Variants in GIGYF2 observed in about 807,000 individuals in gnomAD.
The protein encoded by GIGYF2 is GRB10-interacting GYF protein 2.
Under a neutral mutation model 208.1 loss-of-function variants are expected in GIGYF2, and 25 were observed. The ratio of observed to expected loss-of-function variants is 0.12; its 90% CI spans 0.09 to 0.17. The LOEUF (loss-of-function observed/expected upper bound fraction) is 0.17, where lower values mean the gene tolerates loss of function less well. Ranked by LOEUF, GIGYF2 falls within the 10% of genes least tolerant of loss-of-function variation. The pLI is 1.00. For missense variants in GIGYF2, 1,302 were observed against 1,579.4 expected (o/e 0.82, Z 2.98); for synonymous variants, 534 against 543.8 (o/e 0.98, Z 0.25).
intron 20 of GIGYF2, among the ~76,000 whole-genome samples, chr2:232,817,643 G>C (rs925198213): frequency 6.6e-6 from 1 of 152,124 alleles, no homozygotes; most frequent in Admixed American, 6.5e-5. Context: ...TACAGTATTT[G>C]TCTTTTTGTG....
chr2:232,707,224 G>A (rs1312468668), intron 2 of GIGYF2, among the ~76,000 whole-genome samples: 1 of 152,078 alleles, frequency 6.6e-6, no homozygotes, highest in African/African-American at 2.4e-5. Context: ...ATCTTCTTCG[G>A]GAACAAAGCG....
intron 17 of GIGYF2, 24 bp downstream of exon 17, chr2:232,811,375 T>A (rs757297231): frequency 1.7e-6 from 2 of 1,210,286 alleles, no homozygotes; most frequent in African/African-American, 1.5e-5. Flanking sequence ...CCATTATGTG[T>A]CATATGGGGT....
intron 12 of GIGYF2, 134 bp downstream of exon 12, chr2:232,791,580 A>G (rs1299237859): frequency 3.8e-6 from 3 of 790,548 alleles, no homozygotes; most frequent in Admixed American, 2.0e-5. Flanking sequence ...TTATTTTACC[A>G]GTAAACCCAG....
At chr2:232,733,636 T>G (rs1039767106) in intron 2 of GIGYF2, among the ~76,000 whole-genome samples, 4 of 152,202 alleles carry the variant, frequency 2.6e-5, no homozygotes, top group Non-Finnish European at 5.9e-5. Context: ...TGTCCCTCAG[T>G]ATCCATGGGG....
In GIGYF2 at chr2:232,850,419, G is replaced by A; in HGVS notation, c.3832+10G>A. On this transcript the variant is annotated intron_variant, in intron 28 of 28. Transcript: ENST00000373563. ...GATCCCAGTTTATTAGGTGAGCACG[G>A]TCCTAGTCTCAGCTGAGTGTTGGAG... 2 of 1,613,384 alleles carry A rather than the reference G, an allele frequency of 1.2e-6. No individual in the cohort carries two copies. Among genetic ancestry groups the A allele is most frequent in the Non-Finnish European group, 1.7e-6 (2 of 1,179,298 alleles).
intron 3 of GIGYF2, among the ~76,000 whole-genome samples, chr2:232,746,176 TA>T (rs938239883): frequency 1.1e-3 from 158 of 144,490 alleles, no homozygotes; most frequent in Non-Finnish European, 7.8e-4. Context: ...CCACAATAAG[TA>T]AAAAAAAAAA....
At chr2:232,757,774 C>T (rs927917440) in intron 6 of GIGYF2, among the ~76,000 whole-genome samples, 1 of 135,930 alleles carries the variant, frequency 7.4e-6, no homozygotes, top group Non-Finnish European at 1.6e-5. Context: ...ACAGCACCCC[C>T]CGCCCCCCGC....
intron 3 of GIGYF2, among the ~76,000 whole-genome samples, chr2:232,744,380 T>A (rs1698071549): frequency 6.6e-6 from 1 of 152,166 alleles, no homozygotes; most frequent in African/African-American, 2.4e-5. Context: ...AGATGTGTAC[T>A]CCAGTGGTAG....
rs142425787 is a variant in GIGYF2 at position 232,790,529 on chromosome 2, T to C, written c.713-169T>C. On this transcript the variant is annotated intron_variant, in intron 9 of 28. Coordinates refer to ENST00000373563, the MANE Select transcript of GIGYF2 (RefSeq NM_001103146.3). ...TGTTGTCATCTCGTAATGGTACATATACTCTGAACTCTGAACTTCATTTAG... is the reference window on the plus strand; with the variant it reads ...TGTTGTCATCTCGTAATGGTACATACACTCTGAACTCTGAACTTCATTTAG... Among the ~76,000 whole-genome samples the C allele has an allele frequency of 8.8e-3, 1,348 of 152,364 alleles. 35 individuals carry two copies. The highest frequency in any genetic ancestry group is 0.054 in the Admixed American group (832 of 15,304).
At chr2:232,803,401 T>C (rs74974053) in intron 14 of GIGYF2, among the ~76,000 whole-genome samples, 2,746 of 152,274 alleles carry the variant, frequency 0.018, 89 homozygotes, top group African/African-American at 0.062. Flanking sequence ...ACAAGAACAC[T>C]TTGCCTAGCT....
chr2:232,730,703 C>A (rs1418872540), intron 2 of GIGYF2, among the ~76,000 whole-genome samples: 1 of 148,968 alleles, frequency 6.7e-6, no homozygotes, highest in Non-Finnish European at 1.5e-5. Context: ...TCGAGACCAT[C>A]CCGGCTAAAA....
intron 8 of GIGYF2, among the ~76,000 whole-genome samples, chr2:232,780,717 T>G (rs1699684387): frequency 6.6e-6 from 1 of 152,180 alleles, no homozygotes; most frequent in Admixed American, 6.5e-5. Flanking sequence ...TCTGTTAAGA[T>G]TTTAAAAGTA....
At chr2:232,835,268 T>C (rs1019014399) in intron 22 of GIGYF2, among the ~76,000 whole-genome samples, 1 of 152,230 alleles carries the variant, frequency 6.6e-6, no homozygotes, top group Non-Finnish European at 1.5e-5. Flanking sequence ...ATTTCAGTTA[T>C]TATACTTTGG....
intron 18 of GIGYF2, 83 bp downstream of exon 18, chr2:232,812,574 T>C: frequency 1.4e-6 from 1 of 698,286 alleles, no homozygotes; most frequent in Non-Finnish European, 2.6e-6. Flanking sequence ...TTAAAAAATA[T>C]ATTAGGTTTC....
intron 8 of GIGYF2, chr2:232,764,678 G>A (rs879694876): frequency 4.6e-5 from 7 of 152,206 alleles, no homozygotes; most frequent in Admixed American, 1.3e-4. Flanking sequence ...GAAGGTTCAA[G>A]GGGGCAGGTA....
In GIGYF2 at chr2:232,836,474, G is replaced by A. The variant is rs185756956; in HGVS notation, c.2767-3375G>A. Reference sequence around the variant, plus strand: ...CTAGCTACTCAGGAGGCTGAGGTGGGAAGATCACTTGAGCCTGGGAGACAG... The same window carrying A: ...CTAGCTACTCAGGAGGCTGAGGTGGAAAGATCACTTGAGCCTGGGAGACAG... On this transcript the variant is annotated intron_variant, in intron 22 of 28. Transcript: ENST00000373563. Among the ~76,000 whole-genome samples the A allele has an allele frequency of 2.3e-3, 322 of 139,248 alleles. 3 individuals carry two copies. The highest frequency in any genetic ancestry group is 7.6e-3 in the Middle Eastern group (2 of 264). The allele number at this position is 139,248 out of a possible 152,430, so 91.4% of individuals were successfully genotyped here. A position where few individuals can be genotyped will look rare whatever the true frequency, so the allele number is the denominator to read the frequency against.
intron 2 of GIGYF2, among the ~76,000 whole-genome samples, chr2:232,733,895 T>C (rs1020156926): frequency 6.6e-6 from 1 of 152,158 alleles, no homozygotes; most frequent in Non-Finnish European, 1.5e-5. Context: ...AAAATTTTTT[T>C]CCATCCGAGG....
intron 2 of GIGYF2, among the ~76,000 whole-genome samples, chr2:232,712,417 T>A (rs1696462035): frequency 6.6e-6 from 1 of 152,220 alleles, no homozygotes. Context: ...TAGTTTTTAT[T>A]CCCTCGTCAT....
At chr2:232,771,519 G>T (rs953411211) in intron 8 of GIGYF2, 4 of 556,794 alleles carry the variant, frequency 7.2e-6, no homozygotes, top group Non-Finnish European at 1.3e-5. Flanking sequence ...TTCTCTTCAC[G>T]TTAGATGGCA....
Sources: allele counts gnomAD v4.1 joint callset (sites outside exome capture counted in the v4.1 genomes callset), GRCh38; gene constraint gnomAD v4.1.1; transcripts MANE v1.5; gene names NCBI Gene and HGNC (gene_info 2026-07-23, HGNC 2026-07-21).